DIAPH2: variants seen among roughly 807,000 people sequenced by gnomAD.
DIAPH2 encodes the protein diaphanous related formin 2, also known as protein diaphanous homolog 2.
A neutral mutation model predicts 92.7 loss-of-function variants in DIAPH2; 35 were observed. The ratio of observed to expected loss-of-function variants is 0.38; its 90% CI spans 0.29 to 0.50. DIAPH2 has a LOEUF of 0.50. DIAPH2 is among the 20% of genes least tolerant of loss of function. The pLI is 0.94. For synonymous variants in DIAPH2, 301 were observed against 280.4 expected (o/e 1.07, Z -0.73); for missense variants, 701 against 819.5 (o/e 0.86, Z 1.77).
intron 4 of DIAPH2, among the ~76,000 whole-genome samples, chrX:96,799,073 G>C (rs1369776580): frequency 1.9e-5 from 2 of 104,370 alleles, no homozygotes; most frequent in Admixed American, 1.0e-4. Context: ...TTTTTTTTCT[G>C]TGGGGATTCC....
intron 26 of DIAPH2, among the ~76,000 whole-genome samples, chrX:97,471,465 C>A (rs774072127): frequency 1.8e-5 from 2 of 110,261 alleles, no homozygotes; most frequent in African/African-American, 6.6e-5. Context: ...CCAAGGCGGG[C>A]GGATCACCTG....
chrX:97,258,664 T>A (rs1161025093), intron 23 of DIAPH2, among the ~76,000 whole-genome samples: 1 of 106,956 alleles, frequency 9.3e-6, no homozygotes, highest in Non-Finnish European at 1.9e-5. Context: ...GGTCAGGAGA[T>A]CTAGACCATC....
chrX:97,546,034 G>T (rs1304866151), intron 26 of DIAPH2, among the ~76,000 whole-genome samples: 1 of 110,225 alleles, frequency 9.1e-6, no homozygotes, highest in East Asian at 2.8e-4. Flanking sequence ...CTTAATATAT[G>T]GACAATCTAT....
chrX:97,264,276 C>A (rs559514997), intron 23 of DIAPH2, among the ~76,000 whole-genome samples: 1 of 111,468 alleles, frequency 9.0e-6, no homozygotes, highest in Admixed American at 9.6e-5. Flanking sequence ...AACTTTATTT[C>A]ATTTTTTGCT....
At chrX:96,981,447 A>G (rs2065997026) in intron 17 of DIAPH2, among the ~76,000 whole-genome samples, 2 of 112,090 alleles carry the variant, frequency 1.8e-5, no homozygotes, top group African/African-American at 6.5e-5. Flanking sequence ...ATAACTATCA[A>G]AAGGTTTTAT....
intron 23 of DIAPH2, among the ~76,000 whole-genome samples, chrX:97,280,974 A>G (rs1445180253): frequency 1.8e-5 from 2 of 112,367 alleles, no homozygotes; most frequent in Non-Finnish European, 3.8e-5. Context: ...GTATACCTTC[A>G]GCAGTTTAAA....
chrX:96,841,679 C>T (rs1400339411), intron 4 of DIAPH2, among the ~76,000 whole-genome samples: 2 of 111,887 alleles, frequency 1.8e-5, no homozygotes, highest in Admixed American at 9.5e-5. Flanking sequence ...CTACCCATTC[C>T]CCACTAACCA....
intron 26 of DIAPH2, among the ~76,000 whole-genome samples, chrX:97,522,134 A>G (rs1245212270): frequency 8.9e-6 from 1 of 111,968 alleles, no homozygotes; most frequent in Non-Finnish European, 1.9e-5. Context: ...TTAGTAGAAA[A>G]GTTGATGACA....
chrX:96,909,253 A>G (rs1042844472), intron 5 of DIAPH2, among the ~76,000 whole-genome samples: 2 of 111,541 alleles, frequency 1.8e-5, no homozygotes, highest in African/African-American at 6.5e-5. Context: ...TAGTGTTTCA[A>G]TGTCAGAATT....
rs774291509 is a variant in DIAPH2, at chrX:96,939,269, T to C, written c.1212T>C (p.Asp404=). The change falls in exon 12 of 27, where the codon GAT becomes GAC. Residue 404 remains aspartate (D), a synonymous_variant. Coordinates refer to ENST00000324765, the MANE Select transcript of DIAPH2 (RefSeq NM_006729.5). ...RLNDIRAEMD[D]MNEVYHLLYN... is the part of the protein sequence containing the mutation. ...ATATTTTTCCTTTACTTTCTACTGA[T>C]ATGAATGAAGTCTACCATCTTCTAT... 16 of 962,423 alleles carry C rather than the reference T, an allele frequency of 1.7e-5. No homozygotes were observed. The Admixed American group carries it at 3.4e-4, about 20-fold the overall frequency. 79.3% of individuals were successfully genotyped at this position (962,423 alleles called of 1,213,427 possible).
rs758666786 is a variant in DIAPH2 at position 97,045,848 on chromosome X, A to ATTTTTTT, written c.2051-27076_2051-27070dup. 1.3e-3 allele frequency among the ~76,000 whole-genome samples: 86 copies of ATTTTTTT among 64,418 alleles called. 1 individual carries two copies. The highest frequency in any genetic ancestry group is 5.0e-3 in the African/African-American group (84 of 16,634). 55.9% of individuals were successfully genotyped at this position (64,418 alleles called of 115,157 possible). A position where few individuals can be genotyped will look rare whatever the true frequency, so the allele number is the denominator to read the frequency against. On this transcript the variant is annotated intron_variant, in intron 17 of 26. Transcript: ENST00000324765. ...GGGTATGGTATTAGGGTATTTTAGG[A>ATTTTTTT]TTTTTTTTTTTTTTTTTTTTTTTGA...
chrX:97,238,869 T>C (rs2068069764), intron 22 of DIAPH2, among the ~76,000 whole-genome samples: 1 of 111,801 alleles, frequency 8.9e-6, no homozygotes, highest in Non-Finnish European at 1.9e-5. Flanking sequence ...TGAGTCACTT[T>C]AATGGTATGC....
chrX:97,152,884 C>T (rs1276777730), intron 22 of DIAPH2, among the ~76,000 whole-genome samples: 1 of 111,978 alleles, frequency 8.9e-6, no homozygotes, highest in Non-Finnish European at 1.9e-5. Context: ...AGGAGAAAAC[C>T]CTGACTTCTA....
At chrX:97,241,010 C>G (rs937009908) in intron 22 of DIAPH2, among the ~76,000 whole-genome samples, 1 of 111,303 alleles carries the variant, frequency 9.0e-6, no homozygotes, top group Non-Finnish European at 1.9e-5. Flanking sequence ...CCTACCCCAT[C>G]CAATTCTGCC....
intron 23 of DIAPH2, among the ~76,000 whole-genome samples, chrX:97,266,323 CCTTT>C (rs897542352): frequency 1.4e-4 from 16 of 111,628 alleles, no homozygotes; most frequent in African/African-American, 5.2e-4. Context: ...TGGCTATTCT[CCTTT>C]ATTATTTTAT....
intron 4 of DIAPH2, among the ~76,000 whole-genome samples, chrX:96,766,215 A>G (rs1166928689): frequency 1.4e-5 from 1 of 70,618 alleles, no homozygotes. Context: ...TATGTAGTGT[A>G]TATATATATA....
At chrX:97,392,783 T>A (rs190602487) in intron 25 of DIAPH2, among the ~76,000 whole-genome samples, 1 of 112,060 alleles carries the variant, frequency 8.9e-6, no homozygotes. Context: ...TGACAAGGTG[T>A]TTCATCTTTC....
At chrX:96,766,866 T>TATCC (rs1390577472) in intron 4 of DIAPH2, among the ~76,000 whole-genome samples, 1 of 112,367 alleles carries the variant, frequency 8.9e-6, no homozygotes, top group Non-Finnish European at 1.9e-5. Flanking sequence ...TACTTTTCAC[T>TATCC]ATCCTATATA....
intron 25 of DIAPH2, among the ~76,000 whole-genome samples, chrX:97,406,584 G>T (rs1354143905): frequency 3.6e-5 from 4 of 111,623 alleles, no homozygotes; most frequent in Non-Finnish European, 7.5e-5. Flanking sequence ...GAAGACCCAG[G>T]ATTCCATACG....
Sources: gnomAD v4.1 joint callset for allele counts (sites outside exome capture counted in the v4.1 genomes callset) on GRCh38, gnomAD v4.1.1 for gene constraint, MANE v1.5 for transcripts, NCBI Gene and HGNC (gene_info 2026-07-23, HGNC 2026-07-21) for gene names.